The following ATXN7L1 variants were observed in gnomAD, a reference collection of about 807,000 sequenced individuals.
The protein encoded by ATXN7L1 is ataxin 7 like 1, also known as ataxin-7-like protein 1.
A neutral mutation model predicts 70.8 loss-of-function variants in ATXN7L1; 15 were observed. The ratio of observed to expected loss-of-function variants is 0.21; its 90% CI spans 0.14 to 0.33. The LOEUF (loss-of-function observed/expected upper bound fraction) is 0.33, where lower values mean the gene tolerates loss of function less well. Ranked by LOEUF, ATXN7L1 falls within the 10% of genes least tolerant of loss-of-function variation. The probability of loss-of-function intolerance (pLI) is 1.00; values close to 1 mark genes in which losing one functional copy is unlikely to be tolerated. For synonymous variants in ATXN7L1, 440 were observed against 445.1 expected, an observed-to-expected ratio of 0.99 and a Z score of 0.14; for missense variants, 975 against 1,097.1, an observed-to-expected ratio of 0.89 and a Z score of 1.57.
intron 6 of ATXN7L1, among the ~76,000 whole-genome samples, 190 bp downstream of exon 6, chr7:105,639,294 CCTT>C (rs1797836830): frequency 7.2e-6 from 1 of 138,492 alleles, no homozygotes; most frequent in East Asian, 2.2e-4. Flanking sequence ...TTTTTTTTCT[CCTT>C]CTTAAAAAGC....
chr7:105,798,888 A>G (rs1395066064), intron 2 of ATXN7L1, among the ~76,000 whole-genome samples: 3 of 152,258 alleles, frequency 2.0e-5, no homozygotes, highest in Non-Finnish European at 2.9e-5. Flanking sequence ...GATCAGTTGT[A>G]TGTGGGAGCT....
At chr7:105,672,084 G>C (rs506381) in intron 3 of ATXN7L1, among the ~76,000 whole-genome samples, 11 of 151,788 alleles carry the variant, frequency 7.2e-5, no homozygotes, top group Non-Finnish European at 1.2e-4. Context: ...TCAGGAGTTC[G>C]AGACTAGCCT....
chr7:105,742,607 G>A (rs1230829718), intron 3 of ATXN7L1, among the ~76,000 whole-genome samples: 1 of 152,174 alleles, frequency 6.6e-6, no homozygotes, highest in East Asian at 1.9e-4. Flanking sequence ...CAGGCAATTT[G>A]GTTCCAGAGT....
chr7:105,852,035 G>GACC (rs1814962967), intron 2 of ATXN7L1, among the ~76,000 whole-genome samples: 1 of 152,116 alleles, frequency 6.6e-6, no homozygotes. Flanking sequence ...CACTTTCTAT[G>GACC]AGGCGCTTCC....
At chr7:105,700,744 G>A (rs1326255550) in intron 3 of ATXN7L1, among the ~76,000 whole-genome samples, 1 of 151,912 alleles carries the variant, frequency 6.6e-6, no homozygotes, top group East Asian at 1.9e-4. Context: ...GTGTAGTGGT[G>A]CATCTTGGCT....
At chr7:105,625,167 T>G (rs1795514276) in intron 7 of ATXN7L1, among the ~76,000 whole-genome samples, 1 of 152,384 alleles carries the variant, frequency 6.6e-6, no homozygotes, top group Admixed American at 6.5e-5. Context: ...ATTAGTACCT[T>G]ACTCGGCACC....
intron 3 of ATXN7L1, among the ~76,000 whole-genome samples, chr7:105,704,720 T>C (rs918091408): frequency 9.3e-5 from 14 of 151,348 alleles, no homozygotes; most frequent in Admixed American, 5.9e-4. Flanking sequence ...AAGTGATTCT[T>C]GTGCCTCAGC....
intron 5 of ATXN7L1, among the ~76,000 whole-genome samples, chr7:105,642,283 T>A (rs1798383815): frequency 6.6e-6 from 1 of 152,174 alleles, no homozygotes; most frequent in Non-Finnish European, 1.5e-5. Flanking sequence ...GCCCTACTGT[T>A]CCTGTTTGGG....
intron 3 of ATXN7L1, among the ~76,000 whole-genome samples, chr7:105,720,781 G>A (rs1326504394): frequency 5.3e-5 from 8 of 152,080 alleles, no homozygotes; most frequent in Admixed American, 6.6e-5. Context: ...CTTCTCTACC[G>A]CAGAGGAGTT....
chr7:105,712,617 T>C (rs1375653143), intron 3 of ATXN7L1, among the ~76,000 whole-genome samples: 1 of 152,224 alleles, frequency 6.6e-6, no homozygotes, highest in Non-Finnish European at 1.5e-5. Context: ...AGGGGGGAAA[T>C]GCTGCCAGTC....
At chr7:105,690,711 C>T (rs1335837997) in intron 3 of ATXN7L1, among the ~76,000 whole-genome samples, 1 of 152,178 alleles carries the variant, frequency 6.6e-6, no homozygotes, top group African/African-American at 2.4e-5. Flanking sequence ...CATGCAAATT[C>T]CAAGAGCGGC....
At chr7:105,822,293 A>G (rs1052518058) in intron 2 of ATXN7L1, among the ~76,000 whole-genome samples, 7 of 152,188 alleles carry the variant, frequency 4.6e-5, no homozygotes, top group African/African-American at 1.4e-4. Flanking sequence ...CATAACATCT[A>G]TAGTGTGGAA....
At chr7:105,718,258 A>C (rs1794796421) in intron 3 of ATXN7L1, among the ~76,000 whole-genome samples, 1 of 152,198 alleles carries the variant, frequency 6.6e-6, no homozygotes, top group South Asian at 2.1e-4. Context: ...GTGGGGAAGA[A>C]AGTGCACGTG....
rs145521015 is a variant in ATXN7L1, at chr7:105,811,277, G to T, written c.251-22569C>A. Reference sequence around the variant, plus strand: ...ACCATGTGATAAAGGAGGCAGAGCCGGGAGTGACACAGCTATAAGACATGG... The same window carrying T: ...ACCATGTGATAAAGGAGGCAGAGCCTGGAGTGACACAGCTATAAGACATGG... On this transcript the variant is annotated intron_variant, in intron 2 of 11. Transcript: ENST00000419735. Among the ~76,000 whole-genome samples, 44 of 152,268 alleles carry T rather than the reference G, an allele frequency of 2.9e-4. No homozygotes were observed. In the East Asian group the frequency reaches 7.3e-3, roughly 25 times the overall value.
intron 2 of ATXN7L1, among the ~76,000 whole-genome samples, chr7:105,839,143 G>GT (rs1812832946): frequency 6.6e-6 from 1 of 151,950 alleles, no homozygotes; most frequent in East Asian, 1.9e-4. Flanking sequence ...AAATACAGAG[G>GT]TTTTTCCTTT....
chr7:105,790,662 T>A, intron 2 of ATXN7L1, among the ~76,000 whole-genome samples: 1 of 145,154 alleles, frequency 6.9e-6, no homozygotes, highest in African/African-American at 2.6e-5. Context: ...ATCATCTATC[T>A]ACTATCTATC....
At chr7:105,784,581 CAG>C (rs1804009960) in intron 3 of ATXN7L1, among the ~76,000 whole-genome samples, 1 of 151,950 alleles carries the variant, frequency 6.6e-6, no homozygotes, top group African/African-American at 2.4e-5. Context: ...CACAGGAGAA[CAG>C]AGTTTTGTGG....
Position 105,753,084 on chromosome 7 carries a change from G to A in ATXN7L1, c.355+35520C>T, listed in dbSNP as rs190348777. On this transcript the variant is annotated intron_variant, in intron 3 of 11. Coordinates refer to ENST00000419735, the MANE Select transcript of ATXN7L1 (RefSeq NM_020725.2). The stretch of plus-strand genomic sequence containing the variant: ...TGAACACTTAACCACTGTGATGTGA[G>A]CCACAGAGCTGGTGAGAGCCAGTGC... Among the ~76,000 whole-genome samples the A allele has an allele frequency of 1.4e-3, 216 of 152,352 alleles. 3 individuals carry two copies. Among genetic ancestry groups the A allele is most frequent in the Non-Finnish European group, 8.7e-4 (59 of 68,040 alleles).
chr7:105,724,328 C>T (rs1405806797), intron 3 of ATXN7L1, among the ~76,000 whole-genome samples: 2 of 152,138 alleles, frequency 1.3e-5, no homozygotes, highest in African/African-American at 4.8e-5. Context: ...AATCCTAGCA[C>T]TTTGGGAGGC....
Sources: allele counts gnomAD v4.1 joint callset (sites outside exome capture counted in the v4.1 genomes callset), GRCh38; gene constraint gnomAD v4.1.1; transcripts MANE v1.5; gene names NCBI Gene and HGNC (gene_info 2026-07-23, HGNC 2026-07-21).